Variants in RASGEF1B observed in about 807,000 individuals in gnomAD.
The protein encoded by RASGEF1B is ras-GEF domain-containing family member 1B.
Under a neutral mutation model 65.7 loss-of-function variants are expected in RASGEF1B, and 30 were observed. The ratio of observed to expected loss-of-function variants is 0.46; its 90% CI spans 0.34 to 0.62. The LOEUF is 0.62. RASGEF1B is among the 20% of genes least tolerant of loss of function. The probability of loss-of-function intolerance (pLI) is 0.01; values close to 1 mark genes in which losing one functional copy is unlikely to be tolerated. For missense variants in RASGEF1B, 495 were observed against 580.1 expected, an observed-to-expected ratio of 0.85 and a Z score of 1.51; for synonymous variants, 175 against 194.8, an observed-to-expected ratio of 0.90 and a Z score of 0.85.
At chr4:81,438,421 A>C (rs1386979094) in intron 10 of RASGEF1B, among the ~76,000 whole-genome samples, 1 of 152,254 alleles carries the variant, frequency 6.6e-6, no homozygotes, top group African/African-American at 2.4e-5. Flanking sequence ...AAGTGCTGGG[A>C]TTACAGGCGT....
intron 10 of RASGEF1B, 74 bp from the exon 11 acceptor site, chr4:81,434,808 A>G (rs1721555474): frequency 2.7e-6 from 2 of 746,096 alleles, no homozygotes; most frequent in Admixed American, 4.2e-5. Flanking sequence ...CACAAGATTA[A>G]TGAACAACAT....
intron 1 of RASGEF1B, among the ~76,000 whole-genome samples, chr4:81,461,293 C>T (rs1331718987): frequency 6.6e-6 from 1 of 152,162 alleles, no homozygotes; most frequent in African/African-American, 2.4e-5. Flanking sequence ...ATGAGAGGCA[C>T]CTAAAAGTTC....
intron 6 of RASGEF1B, among the ~76,000 whole-genome samples, chr4:81,446,057 G>C (rs1294216096): frequency 6.6e-6 from 1 of 152,202 alleles, no homozygotes; most frequent in Non-Finnish European, 1.5e-5. Context: ...TTGAGGCCTA[G>C]AAATGTACTC....
intron 4 of RASGEF1B, chr4:81,454,565 G>A (rs1054552925): frequency 3.3e-5 from 5 of 152,128 alleles, no homozygotes; most frequent in East Asian, 3.9e-4. Context: ...GGAACTCCAC[G>A]GCTAACCCCT....
chr4:81,428,564 T>C (rs138407316), intron 13 of RASGEF1B, among the ~76,000 whole-genome samples: 17 of 152,366 alleles, frequency 1.1e-4, no homozygotes, highest in African/African-American at 4.1e-4. Context: ...AGATGATTTA[T>C]GGTACAACAA....
At position 81,429,825 on chromosome 4, in the gene RASGEF1B, A is replaced by C. The variant is rs187720365; in HGVS notation, c.1398-2033T>G. On this transcript the variant is annotated intron_variant, in intron 13 of 13. Coordinates refer to ENST00000264400, the MANE Select transcript of RASGEF1B (RefSeq NM_152545.3). ...GTCTGAGGAGCGGCTGGTCGTCGAG[A>C]GGACACTGAGGGGAGCACGCTGGCA... Among the ~76,000 whole-genome samples, 667 of 151,682 alleles carry C rather than the reference A, an allele frequency of 4.4e-3. 7 individuals are homozygous for C. Among genetic ancestry groups the C allele is most frequent in the Non-Finnish European group, 5.1e-3 (345 of 67,868 alleles).
chr4:81,440,820 C>G lies in RASGEF1B; in HGVS notation c.1104+14G>C, dbSNP rs780834263. On this transcript the variant is annotated intron_variant, in intron 10 of 13. Transcript: ENST00000264400. ...CAACTCTACCATAAGAAAGATACTT[C>G]TTTAAGTGCATACCTTTTCTCTACT... The G allele has an allele frequency of 2.6e-6, 4 of 1,540,696 alleles. No individual in the cohort carries two copies.
chr4:81,459,781 A>C (rs538307759), intron 1 of RASGEF1B, among the ~76,000 whole-genome samples: 1 of 152,302 alleles, frequency 6.6e-6, no homozygotes, highest in African/African-American at 2.4e-5. Flanking sequence ...CTTAAACTCA[A>C]GTCTCTGGCT....
At chr4:81,468,470 C>G (rs1722922864) in intron 1 of RASGEF1B, among the ~76,000 whole-genome samples, 2 of 152,040 alleles carry the variant, frequency 1.3e-5, no homozygotes, top group African/African-American at 2.4e-5. Context: ...GATTTCCAGA[C>G]ATAGGCATAT....
intron 12 of RASGEF1B, among the ~76,000 whole-genome samples, chr4:81,432,774 T>G (rs1448320880): frequency 6.6e-6 from 1 of 152,110 alleles, no homozygotes; most frequent in South Asian, 2.1e-4. Flanking sequence ...GTAAAAAGCC[T>G]AGGTAAAAAT....
At chr4:81,460,575 G>A (rs1041600246) in intron 1 of RASGEF1B, among the ~76,000 whole-genome samples, 1 of 152,120 alleles carries the variant, frequency 6.6e-6, no homozygotes, top group African/African-American at 2.4e-5. Flanking sequence ...AATGTGGGAG[G>A]GGTGTGGAGC....
intron 8 of RASGEF1B, 37 bp from the exon 9 acceptor site, chr4:81,442,413 A>C: frequency 8.4e-7 from 1 of 1,183,498 alleles, no homozygotes; most frequent in Non-Finnish European, 1.3e-6. Context: ...AAAAAGGAAA[A>C]TTGAAAGAGA....
At chr4:81,447,101 G>A (rs1722053430) in intron 6 of RASGEF1B, among the ~76,000 whole-genome samples, 1 of 152,212 alleles carries the variant, frequency 6.6e-6, no homozygotes, top group African/African-American at 2.4e-5. Context: ...CCCTTGCTCA[G>A]CAAGCTGGAT....
Position 81,426,903 on chromosome 4 carries a change from T to C in RASGEF1B, c.*865A>G, listed in dbSNP as rs1721240045. ...TACAAGAGAAAAATAACAGGCATCA[T>C]GGAAAACTAAGTAACAAAAAGCTAT... On this transcript the variant is annotated 3_prime_UTR_variant, in exon 14 of 14. Transcript: ENST00000264400. 1 of 138,332 alleles carries C rather than the reference T, an allele frequency of 7.2e-6. No individual in the cohort carries two copies. The highest frequency in any genetic ancestry group is 2.1e-4 in the East Asian group (1 of 4,766). The allele number at this position is 138,332 out of a possible 1,614,324, so 8.6% of individuals were successfully genotyped here.
In RASGEF1B at chr4:81,445,627, G is replaced by C; in HGVS notation, c.827C>G (p.Pro276Arg). The C allele has an allele frequency of 6.2e-7, 1 of 1,611,918 alleles. No individual in the cohort carries two copies. The highest frequency in any genetic ancestry group is 1.1e-5 in the South Asian group (1 of 90,992). Residue 276 changes from proline (P) to arginine (R), a missense_variant and splice_region_variant, in exon 8 of 14, where the codon CCT becomes CGT. Physicochemically the swap from Pro to Arg is moderately radical, Grantham distance 103. Coordinates refer to ENST00000264400, the MANE Select transcript of RASGEF1B (RefSeq NM_152545.3). ...TCTTGCTCGGTGTTTTTTCTTAACA[G>C]GCTACACAGTAAAAGACAATAGAGG... ...SYLVATEICMPVKKKHRARMI... is the reference protein window; with the variant it reads ...SYLVATEICMRVKKKHRARMI...
At chr4:81,430,287 A>C (rs561182276) in intron 13 of RASGEF1B, among the ~76,000 whole-genome samples, 42 of 152,256 alleles carry the variant, frequency 2.8e-4, no homozygotes, top group Middle Eastern at 3.4e-3. Flanking sequence ...GGCGACAGAG[A>C]GAGACTTCGT....
At chr4:81,437,651 T>C (rs1382329279) in intron 10 of RASGEF1B, among the ~76,000 whole-genome samples, 1 of 152,216 alleles carries the variant, frequency 6.6e-6, no homozygotes, top group Non-Finnish European at 1.5e-5. Context: ...TTACCTTACA[T>C]GATTTTTGCA....
intron 13 of RASGEF1B, among the ~76,000 whole-genome samples, chr4:81,429,535 C>T (rs1721343452): frequency 1.3e-5 from 2 of 152,142 alleles, no homozygotes; most frequent in South Asian, 2.1e-4. Flanking sequence ...ACAGACATTT[C>T]CTGCCCAAAT....
chr4:81,432,802 C>T (rs1398128510), intron 12 of RASGEF1B, among the ~76,000 whole-genome samples: 4 of 151,776 alleles, frequency 2.6e-5, no homozygotes, highest in Non-Finnish European at 5.9e-5. Flanking sequence ...ACCAATTTTC[C>T]ATTCTACTAA....
Sources: allele counts gnomAD v4.1 joint callset (sites outside exome capture counted in the v4.1 genomes callset), GRCh38; gene constraint gnomAD v4.1.1; transcripts MANE v1.5; gene names NCBI Gene and HGNC (gene_info 2026-07-23, HGNC 2026-07-21).